LFNG: variants seen among roughly 807,000 people sequenced by gnomAD.
The protein encoded by LFNG is beta-1,3-N-acetylglucosaminyltransferase lunatic fringe.
In LFNG, 15 loss-of-function variants were observed where a neutral mutation model predicts 32.7. That is an observed-to-expected ratio of 0.46 (90% CI 0.31 to 0.71). The LOEUF is 0.71. Among genes scored for constraint, LFNG ranks in the 30% least tolerant of loss-of-function variants. The pLI is 0.06. For missense variants in LFNG, 520 were observed against 545.7 expected, an observed-to-expected ratio of 0.95 and a Z score of 0.47; for synonymous variants, 274 against 246.8, an observed-to-expected ratio of 1.11 and a Z score of -1.03.
At chr7:2,515,225 T>C (rs1314238426), upstream of LFNG, among the ~76,000 whole-genome samples, 1 of 152,216 alleles carries the variant, frequency 6.6e-6, no homozygotes, top group African/African-American at 2.4e-5. Flanking sequence ...CATTCATTCA[T>C]CCATCCAACC....
chr7:2,525,173 C>T (rs1005637135), intron 2 of LFNG, 46 bp from the exon 3 acceptor site: 2 of 1,550,420 alleles, frequency 1.3e-6, no homozygotes, highest in South Asian at 1.1e-5. Context: ...AGGCCCCTCT[C>T]TGGGAGCCGG....
upstream of LFNG, among the ~76,000 whole-genome samples, chr7:2,515,292 C>T (rs1484370255): frequency 1.4e-5 from 2 of 141,408 alleles, no homozygotes; most frequent in African/African-American, 3.0e-5. Flanking sequence ...ATGTCCATTC[C>T]CCCCACCATC....
rs2128377196 is a variant in LFNG, at chr7:2,525,224, G to A, written c.487G>A (p.Val163Met). Residue 163 changes from valine to methionine, a missense_variant, in exon 3 of 8, where the codon GTG becomes ATG. Val to Met is a conservative substitution (Grantham distance 21). Around this residue, in one of 3 missense-constraint regions of LFNG, gnomAD observed 360 missense variants for 354.7 expected, o/e 1.01. Transcript: ENST00000222725. ...AGCCGCTCCCCTGTCCACAGGCAAC[G>A]TGGTCATCACAAACTGCTCGGCCGC... is the stretch of plus-strand genomic sequence containing the variant. ...DEALARHTGNVVITNCSAAHS... is the reference protein window; with the variant it reads ...DEALARHTGNMVITNCSAAHS... 1.2e-6 allele frequency: 2 copies of A among 1,612,748 alleles called. No individual in the cohort carries two copies. The highest frequency in any genetic ancestry group is 1.1e-5 in the South Asian group (1 of 91,074).
Position 2,526,121 on chromosome 7 carries a change from C to G in LFNG, c.822-123C>G. On this transcript the variant is annotated intron_variant, in intron 5 of 7. Coordinates refer to ENST00000222725, the MANE Select transcript of LFNG (RefSeq NM_001040167.2). The surrounding 1 kb of genome is among the most constrained non-coding windows in gnomAD (Gnocchi z 6.9). ...CAGGGGAGGCAGAGGGAGCTGCAGC[C>G]CAGAGCTCTCCTCAGGGCTCCTCTC... 1 of 1,020,348 alleles carries G rather than the reference C, an allele frequency of 9.8e-7. No individual in the cohort carries two copies. 63.2% of individuals were successfully genotyped at this position (1,020,348 alleles called of 1,614,324 possible).
upstream of LFNG, among the ~76,000 whole-genome samples, chr7:2,514,816 G>GTCCATCCATCCATCTATCCA (rs1779575382): frequency 9.0e-6 from 1 of 111,310 alleles, no homozygotes; most frequent in Admixed American, 8.5e-5. Flanking sequence ...CGGTCTGTCT[G>GTCCATCCATCCATCTATCCA]TCCATCCATC....
At position 2,528,007 on chromosome 7, in the gene LFNG, T is replaced by C. The variant is rs965673761; in HGVS notation, c.*795T>C. 4 of 984,122 alleles carry C rather than the reference T, an allele frequency of 4.1e-6. No individual in the cohort carries two copies. The highest frequency in any genetic ancestry group is 4.8e-6 in the Non-Finnish European group (4 of 829,682). 61.0% of individuals were successfully genotyped at this position (984,122 alleles called of 1,614,324 possible). On this transcript the variant is annotated 3_prime_UTR_variant, in exon 8 of 8. Transcript: ENST00000222725. ...TGTAAATATTGTGACAGTATTTTTT[T>C]ACTGTGCTGTTTTTTTTGAAAGGGG...
At chr7:2,523,512 C>T (rs1779850338) in intron 1 of LFNG, 1 of 152,318 alleles carries the variant, frequency 6.6e-6, no homozygotes, top group African/African-American at 2.4e-5. Context: ...GAGCATTGCC[C>T]GTACACCCTG....
chr7:2,518,619 G>A (rs1779689475), upstream of LFNG: 3 of 1,609,516 alleles, frequency 1.9e-6, no homozygotes, highest in Admixed American at 1.7e-5. Context: ...GGGCTCCAAG[G>A]GCACTTAAAG....
chr7:2,516,292 C>T (rs1562549440), upstream of LFNG, among the ~76,000 whole-genome samples: 1 of 152,236 alleles, frequency 6.6e-6, no homozygotes, highest in African/African-American at 2.4e-5. Context: ...AGTGGACAGG[C>T]GCCTCGGATG....
At chr7:2,519,701 C>A (rs1260209475), upstream of LFNG, 1 of 267,840 alleles carries the variant, frequency 3.7e-6, no homozygotes, top group Non-Finnish European at 5.9e-6. Context: ...CCCCCGAGCC[C>A]GGGAGCCAAT....
At position 2,527,432 on chromosome 7, in the gene LFNG, C is replaced by T. The variant is rs946471260; in HGVS notation, c.*220C>T. On this transcript the variant is annotated 3_prime_UTR_variant, in exon 8 of 8. Coordinates refer to ENST00000222725, the MANE Select transcript of LFNG (RefSeq NM_001040167.2). This position sits in a 1 kb window ranked among gnomAD's most constrained non-coding sequence, Gnocchi z 4.4. ...GCGGGCACCAGCGCCACTTATGTGC[C>T]TCTGCTCCGAGGGCCAGTGGGCTGC... is the stretch of plus-strand genomic sequence containing the variant. 6.9e-7 allele frequency: 1 copy of T among 1,445,522 alleles called. No individual in the cohort carries two copies. The allele number at this position is 1,445,522 out of a possible 1,614,324, so 89.5% of individuals were successfully genotyped here.
chr7:2,514,476 A>G (rs1406504859), upstream of LFNG, among the ~76,000 whole-genome samples: 1 of 152,170 alleles, frequency 6.6e-6, no homozygotes, highest in Admixed American at 6.5e-5. Flanking sequence ...CTGTCCATCT[A>G]TCCATTAGAC....
chr7:2,519,568 G>A (rs556689032), upstream of LFNG, among the ~76,000 whole-genome samples: 10 of 150,804 alleles, frequency 6.6e-5, no homozygotes, highest in African/African-American at 2.4e-4. Flanking sequence ...GGGCGGGGGG[G>A]GTGCGGGGCG....
upstream of LFNG, chr7:2,513,467 G>A: frequency 2.0e-6 from 2 of 1,015,884 alleles, no homozygotes; most frequent in Non-Finnish European, 2.8e-6. Flanking sequence ...GGGAGCCTGG[G>A]ATCAGGGAGG....
chr7:2,516,186 G>A (rs1042667014), upstream of LFNG, among the ~76,000 whole-genome samples: 5 of 152,258 alleles, frequency 3.3e-5, no homozygotes, highest in African/African-American at 9.6e-5. Flanking sequence ...ACCATGCTGA[G>A]TCCTGTCCAG....
chr7:2,515,094 C>CTGT (rs1779592894), upstream of LFNG, among the ~76,000 whole-genome samples: 1 of 148,092 alleles, frequency 6.8e-6, no homozygotes, highest in Non-Finnish European at 1.5e-5. Context: ...ATCCATCCAT[C>CTGT]CGTCTGTCTG....
chr7:2,522,808 G>T (rs1779830954), intron 1 of LFNG, among the ~76,000 whole-genome samples: 1 of 152,244 alleles, frequency 6.6e-6, no homozygotes, highest in African/African-American at 2.4e-5. Context: ...GGCTGTCAGG[G>T]AGAGGAAGGG....
chr7:2,528,732 A>G, downstream of LFNG: 9 of 577,434 alleles, frequency 1.6e-5, 1 homozygote, highest in South Asian at 1.8e-4. Context: ...CACAACCCCA[A>G]GGCTCTGGCC....
upstream of LFNG, chr7:2,513,253 A>T: frequency 1.2e-6 from 2 of 1,606,110 alleles, no homozygotes; most frequent in Non-Finnish European, 1.7e-6. Context: ...GGACAGATGG[A>T]TGGATGGATG....
Sources: gnomAD v4.1 joint callset for allele counts (sites outside exome capture counted in the v4.1 genomes callset) on GRCh38, gnomAD v4.1.1 for gene constraint, gnomAD v4.1.1 regional missense constraint, Gnocchi (gnomAD v3.1) non-coding constraint, MANE v1.5 for transcripts, NCBI Gene and HGNC (gene_info 2026-07-23, HGNC 2026-07-21) for gene names.